The following ST3GAL1 variants were observed in gnomAD, a reference collection of about 807,000 sequenced individuals.
ST3GAL1 encodes the protein ST3 beta-galactoside alpha-2,3-sialyltransferase 1.
ST3GAL1 carries 16 observed loss-of-function variants against 34.1 expected under a neutral mutation model. That is an observed-to-expected ratio of 0.47 (90% CI 0.32 to 0.71). The LOEUF is 0.71. ST3GAL1 is among the 30% of genes least tolerant of loss of function. The probability of loss-of-function intolerance (pLI) is 0.04; values close to 1 mark genes in which losing one functional copy is unlikely to be tolerated. For synonymous variants in ST3GAL1, 191 were observed against 184.7 expected, an observed-to-expected ratio of 1.03 and a Z score of -0.28; for missense variants, 353 against 447.4, an observed-to-expected ratio of 0.79 and a Z score of 1.90.
At chr8:133,520,776 T>G (rs1205407397) in intron 2 of ST3GAL1, among the ~76,000 whole-genome samples, 3 of 71,532 alleles carry the variant, frequency 4.2e-5, no homozygotes, top group Admixed American at 2.5e-4. Context: ...TTTGTGGGTT[T>G]TTTTTTTTTT....
At chr8:133,541,040 T>TATAGACATATATATAC (rs1563734427) in intron 2 of ST3GAL1, among the ~76,000 whole-genome samples, 1 of 100,862 alleles carries the variant, frequency 9.9e-6, no homozygotes, top group South Asian at 3.2e-4. Flanking sequence ...TAGACATATA[T>TATAGACATATATATAC]AGACATATAT....
rs1266515011 is a variant in ST3GAL1 at position 133,556,352 on chromosome 8, T to C, written c.-581-10426A>G. On this transcript the variant is annotated intron_variant, in intron 1 of 9. Coordinates refer to ENST00000522652, the MANE Select transcript of ST3GAL1 (RefSeq NM_173344.3). This position sits in a 1 kb window ranked among gnomAD's most constrained non-coding sequence, Gnocchi z 8.9. ...CCTGGTGACTCCAGAGCCTGTCTTC[T>C]CCCCCTGGCCTTGGCCTCCTGGACA... is the stretch of plus-strand genomic sequence containing the variant. 2.6e-5 allele frequency among the ~76,000 whole-genome samples: 4 copies of C among 152,156 alleles called. No individual in the cohort carries two copies. The highest frequency in any genetic ancestry group is 5.9e-5 in the Non-Finnish European group (4 of 68,028).
chr8:133,507,990 T>TC (rs34210180), intron 2 of ST3GAL1, among the ~76,000 whole-genome samples: 30,805 of 151,984 alleles, frequency 0.2, 3,172 homozygotes, highest in Middle Eastern at 0.27. Context: ...AGGAGCTGCC[T>TC]CCCCTGGGAG....
chr8:133,529,639 G>A (rs549797973), intron 2 of ST3GAL1, among the ~76,000 whole-genome samples: 1 of 152,148 alleles, frequency 6.6e-6, no homozygotes, highest in Non-Finnish European at 1.5e-5. Flanking sequence ...GTCCAGCAAG[G>A]GGCAGTTTTA....
intron 6 of ST3GAL1, among the ~76,000 whole-genome samples, chr8:133,465,232 C>T (rs556559447): frequency 1.7e-4 from 26 of 152,266 alleles, no homozygotes; most frequent in Middle Eastern, 3.4e-3. Flanking sequence ...TTTCCACAGC[C>T]CTTTTTTTGC....
rs1260058926 is a variant in ST3GAL1 at position 133,510,548 on chromosome 8, T to TTC, written c.-428-11360_-428-11359insGA. Among the ~76,000 whole-genome samples, 97 of 152,356 alleles carry TTC rather than the reference T, an allele frequency of 6.4e-4. 1 individual carries two copies. Among genetic ancestry groups the TTC allele is most frequent in the African/African-American group, 2.3e-3 (94 of 41,586 alleles). On this transcript the variant is annotated intron_variant, in intron 2 of 9. Coordinates refer to ENST00000522652, the MANE Select transcript of ST3GAL1 (RefSeq NM_173344.3). ...AGACTTCTCCTCTGTAAAATGGGAA[T>TTC]GCAAGTAAAAATGAGAGTGGATTGA...
At chr8:133,460,234 C>A (rs192985472) in intron 9 of ST3GAL1, among the ~76,000 whole-genome samples, 25 of 152,288 alleles carry the variant, frequency 1.6e-4, no homozygotes, top group Admixed American at 6.5e-4. Flanking sequence ...GCAACCTATT[C>A]TCCCAGGATT....
intron 6 of ST3GAL1, chr8:133,465,682 G>A (rs761259061): frequency 1.4e-5 from 7 of 486,884 alleles, no homozygotes; most frequent in African/African-American, 3.9e-5. Context: ...CTCTCTGCAC[G>A]CAGAGGCCCT....
At chr8:133,465,804 C>T in intron 6 of ST3GAL1, 90 bp downstream of exon 6, 1 of 1,456,524 alleles carries the variant, frequency 6.9e-7, no homozygotes. Flanking sequence ...CTGAACCTTG[C>T]CTTCCTGAGC....
intron 2 of ST3GAL1, among the ~76,000 whole-genome samples, chr8:133,534,217 CA>C (rs2131050624): frequency 6.6e-6 from 1 of 152,300 alleles, no homozygotes; most frequent in Non-Finnish European, 1.5e-5. Flanking sequence ...TTCTGACACC[CA>C]ATCCTCCAGC....
At chr8:133,560,530 A>C (rs11783461) in intron 1 of ST3GAL1, among the ~76,000 whole-genome samples, 11,211 of 152,196 alleles carry the variant, frequency 0.074, 533 homozygotes, top group Middle Eastern at 0.16. Context: ...AGGTGGAGAA[A>C]AGTCAGGAAC....
At chr8:133,503,621 G>T (rs916239455) in intron 2 of ST3GAL1, among the ~76,000 whole-genome samples, 2 of 152,014 alleles carry the variant, frequency 1.3e-5, no homozygotes, top group Admixed American at 1.3e-4. Context: ...TGTCTAACCC[G>T]CATGGACTCT....
intron 2 of ST3GAL1, among the ~76,000 whole-genome samples, chr8:133,543,791 TAAC>T (rs1324633887): frequency 1.4e-5 from 2 of 141,694 alleles, no homozygotes; most frequent in Non-Finnish European, 3.1e-5. Flanking sequence ...TTATCACTGT[TAAC>T]ATCATCATCA....
At chr8:133,463,287 TG>T in intron 8 of ST3GAL1, 126 bp downstream of exon 8, 2 of 1,021,650 alleles carry the variant, frequency 2.0e-6, no homozygotes, top group Non-Finnish European at 3.0e-6. Context: ...GATAGCTAAG[TG>T]GGAGATGCTA....
At chr8:133,500,839 A>T (rs955069654) in intron 2 of ST3GAL1, among the ~76,000 whole-genome samples, 1 of 152,182 alleles carries the variant, frequency 6.6e-6, no homozygotes, top group Admixed American at 6.5e-5. Context: ...TGTACATCTC[A>T]CAGGAGGTAT....
chr8:133,476,220 G>A lies in ST3GAL1; in HGVS notation c.-51+58C>T, dbSNP rs986996891. ...TGACCCCCAACTGTGTCCCAGACACGGCTGTGTGGTAGACCAACGCCATTC... is the reference window on the plus strand; with the variant it reads ...TGACCCCCAACTGTGTCCCAGACACAGCTGTGTGGTAGACCAACGCCATTC... On this transcript the variant is annotated intron_variant, in intron 4 of 9. Coordinates refer to ENST00000522652, the MANE Select transcript of ST3GAL1 (RefSeq NM_173344.3). 61 of 579,740 alleles carry A rather than the reference G, an allele frequency of 1.1e-4. 1 individual carries two copies. Among genetic ancestry groups the A allele is most frequent in the Non-Finnish European group, 1.5e-4 (52 of 342,098 alleles). 35.9% of individuals were successfully genotyped at this position (579,740 alleles called of 1,614,324 possible). A position where few individuals can be genotyped will look rare whatever the true frequency, so the allele number is the denominator to read the frequency against.
At chr8:133,485,655 G>GACCC (rs1459785093) in intron 3 of ST3GAL1, among the ~76,000 whole-genome samples, 4 of 152,196 alleles carry the variant, frequency 2.6e-5, no homozygotes, top group Non-Finnish European at 5.9e-5. Flanking sequence ...CAAGTCCCAA[G>GACCC]ACCCGCTTGA....
chr8:133,539,525 T>C lies in ST3GAL1; in HGVS notation c.-429+6249A>G, dbSNP rs529719173. On this transcript the variant is annotated intron_variant, in intron 2 of 9. Coordinates refer to ENST00000522652, the MANE Select transcript of ST3GAL1 (RefSeq NM_173344.3). ...CCTTAAAGAAAACTCCCAAATTGTATAAGCTTCAGGACCCAAAGAACCAGA... is the reference window on the plus strand; with the variant it reads ...CCTTAAAGAAAACTCCCAAATTGTACAAGCTTCAGGACCCAAAGAACCAGA... 3.3e-5 allele frequency: 5 copies of C among 152,314 alleles called. No homozygotes were observed. The East Asian group carries it at 9.6e-4, about 29-fold the overall frequency. The allele number at this position is 152,314 out of a possible 1,614,324, so 9.4% of individuals were successfully genotyped here. A position where few individuals can be genotyped will look rare whatever the true frequency, so the allele number is the denominator to read the frequency against.
rs763662465 is a variant in ST3GAL1, at chr8:133,459,643, G to C, written c.*121C>G. On this transcript the variant is annotated 3_prime_UTR_variant, in exon 10 of 10. Transcript: ENST00000522652. The surrounding 1 kb of genome is among the most constrained non-coding windows in gnomAD (Gnocchi z 4.7). ...CGGCTGGGTGCAAGAGGCTGTGAGCGGTGCCCAGGCACACACCTGAGGCTG... is the reference window on the plus strand; with the variant it reads ...CGGCTGGGTGCAAGAGGCTGTGAGCCGTGCCCAGGCACACACCTGAGGCTG... 4 of 1,288,724 alleles carry C rather than the reference G, an allele frequency of 3.1e-6. No individual in the cohort carries two copies. The highest frequency in any genetic ancestry group is 2.1e-6 in the Non-Finnish European group (2 of 949,218). 79.8% of individuals were successfully genotyped at this position (1,288,724 alleles called of 1,614,324 possible).
Sources: gnomAD v4.1 joint callset for allele counts (sites outside exome capture counted in the v4.1 genomes callset) on GRCh38, gnomAD v4.1.1 for gene constraint, Gnocchi (gnomAD v3.1) non-coding constraint, MANE v1.5 for transcripts, NCBI Gene and HGNC (gene_info 2026-07-23, HGNC 2026-07-21) for gene names.